KLK1: variants seen among roughly 807,000 people sequenced by gnomAD.
The protein encoded by KLK1 is kallikrein 1.
A neutral mutation model predicts 23.3 loss-of-function variants in KLK1; 22 were observed. The observed-to-expected ratio is 0.95, with a 90% confidence interval of 0.68 to 1.35. KLK1 has a LOEUF of 1.35. Ranked by LOEUF, KLK1 falls within the 40% of genes most tolerant of loss-of-function variation. The pLI is 0.00. For missense variants in KLK1, 301 were observed against 338.9 expected, an observed-to-expected ratio of 0.89 and a Z score of 0.88; for synonymous variants, 140 against 135.8, an observed-to-expected ratio of 1.03 and a Z score of -0.21.
Position 50,823,695 on chromosome 19 carries a change from T to A in KLK1, c.46+8A>T. 6.4e-7 allele frequency: 1 copy of A among 1,568,692 alleles called. No homozygotes were observed. The highest frequency in any genetic ancestry group is 8.8e-7 in the Non-Finnish European group (1 of 1,141,718). ...CGTTCCCCCTCCCACATCCCCCCAC[T>A]GTCTCACCAGTCCCCCCCAGGGACA... is the stretch of plus-strand genomic sequence containing the variant. On this transcript the variant is annotated splice_region_variant and intron_variant, in intron 1 of 4. Transcript: ENST00000301420.
rs778661033 is a variant in KLK1, at chr19:50,821,920, C to A, written c.47-49G>T. ...GAAGGGCAGGGTTGGCAGGAGAGGC[C>A]AGGGACAAGGCTAGGAGAGGGAGCT... is the stretch of plus-strand genomic sequence containing the variant. On this transcript the variant is annotated intron_variant, in intron 1 of 4. Coordinates refer to ENST00000301420, the MANE Select transcript of KLK1 (RefSeq NM_002257.4). This position sits in a 1 kb window ranked among gnomAD's most constrained non-coding sequence, Gnocchi z 5.6. 6.4e-7 allele frequency: 1 copy of A among 1,570,958 alleles called. No homozygotes were observed. The highest frequency in any genetic ancestry group is 8.6e-7 in the Non-Finnish European group (1 of 1,156,138).
In KLK1 at chr19:50,820,212, T is replaced by C. The variant is rs1273099349; in HGVS notation, c.438A>G (p.Glu146=). 1.2e-6 allele frequency: 2 copies of C among 1,612,036 alleles called. No individual in the cohort carries two copies. The highest frequency in any genetic ancestry group is 2.2e-5 in the South Asian group (2 of 91,002). ...AVKVVELPTE[E]PEVGSTCLAS... ...CCAAACAGGTGCTCCCCACTTCGGG[T>C]TCCTCGGTGGGCAACTCCACGACCT... is the stretch of plus-strand genomic sequence containing the variant. Residue 146 remains glutamate, a synonymous_variant, in exon 3 of 5, where the codon GAA becomes GAG. Transcript: ENST00000301420.
rs1396827383 is a variant in KLK1, at chr19:50,819,338, C to G, written c.645G>C (p.Gly215=). Residue 215 remains glycine, a synonymous_variant, in exon 5 of 5, where the codon GGG becomes GGC. Transcript: ENST00000301420. ...GCACACCATCACACATCAGCGGGCC[C>G]CCTGAATCACCCTGGGAGCACAAGG... is the stretch of plus-strand genomic sequence containing the variant. ...GGKDTCVGDS[G]GPLMCDGVLQ... is the part of the protein sequence containing the mutation. The G allele has an allele frequency of 1.9e-6, 3 of 1,609,838 alleles. No homozygotes were observed. Among genetic ancestry groups the G allele is most frequent in the Admixed American group, 1.7e-5 (1 of 59,820 alleles).
rs1005198369 is a variant in KLK1 at position 50,821,048 on chromosome 19, T to A, written c.207-605A>T. 2.0e-5 allele frequency among the ~76,000 whole-genome samples: 3 copies of A among 152,126 alleles called. No homozygotes were observed. The highest frequency in any genetic ancestry group is 7.2e-5 in the African/African-American group (3 of 41,428). ...GCGGGCTCCCCAGGGGCAGGTGGCC[T>A]GGCCTGAAGTCCAAGGTCGAGGCCC... is the stretch of plus-strand genomic sequence containing the variant. On this transcript the variant is annotated intron_variant, in intron 2 of 4. Coordinates refer to ENST00000301420, the MANE Select transcript of KLK1 (RefSeq NM_002257.4). This position sits in a 1 kb window ranked among gnomAD's most constrained non-coding sequence, Gnocchi z 5.6.
rs764145942 is a variant in KLK1, at chr19:50,820,152, A to T, written c.496+2T>A. ...TGGGCTACACAGTCTGCCCCCACATACAATTCTCTGGTTCGATGCTGCCCC... is the reference window on the plus strand; with the variant it reads ...TGGGCTACACAGTCTGCCCCCACATTCAATTCTCTGGTTCGATGCTGCCCC... On this transcript the variant is annotated splice_donor_variant, in intron 3 of 4. Transcript: ENST00000301420. LOFTEE classifies it high-confidence loss of function. The T allele has an allele frequency of 1.9e-6, 3 of 1,599,208 alleles. No homozygotes were observed. Among genetic ancestry groups the T allele is most frequent in the Non-Finnish European group, 2.6e-6 (3 of 1,170,550 alleles).
chr19:50,822,795 AGTG>A (rs1458740463), intron 1 of KLK1: 2 of 983,256 alleles, frequency 2.0e-6, no homozygotes, highest in South Asian at 4.7e-5. Context: ...GGATTGGAGA[AGTG>A]GTGAGAACAG....
At chr19:50,820,496 TG>T in intron 2 of KLK1, 53 bp from the exon 3 acceptor site, 1 of 207,678 alleles carries the variant, frequency 4.8e-6, no homozygotes, top group Non-Finnish European at 8.9e-6. Context: ...GAAAAGGGGA[TG>T]GGGCAGGGGA....
In KLK1 at chr19:50,819,320, A is replaced by T. The variant is rs890953551; in HGVS notation, c.663T>A (p.Asp221Glu). 2 of 1,613,274 alleles carry T rather than the reference A, an allele frequency of 1.2e-6. No homozygotes were observed. Among genetic ancestry groups the T allele is most frequent in the African/African-American group, 1.3e-5 (1 of 74,916 alleles). Residue 221 changes from aspartate (D) to glutamate (E), a missense_variant, in exon 5 of 5, where the codon GAT becomes GAA. By Grantham distance (45) the Asp-to-Glu change is conservative (BLOSUM62 2). Transcript: ENST00000301420. ...VGDSGGPLMCDGVLQGVTSWG... is the reference protein window; with the variant it reads ...VGDSGGPLMCEGVLQGVTSWG... Reference sequence around the variant, plus strand: ...ATGATGTGACACCTTGGAGCACACCATCACACATCAGCGGGCCCCCTGAAT... The same window carrying T: ...ATGATGTGACACCTTGGAGCACACCTTCACACATCAGCGGGCCCCCTGAAT...
At chr19:50,820,549 A>C in intron 2 of KLK1, 106 bp from the exon 3 acceptor site, 1 of 806,908 alleles carries the variant, frequency 1.2e-6, no homozygotes, top group Non-Finnish European at 2.0e-6. Context: ...GAAAGAGAAA[A>C]ATGTGGGTGG....
Position 50,820,500 on chromosome 19 carries a change from G to T in KLK1, c.207-57C>A. On this transcript the variant is annotated intron_variant, in intron 2 of 4. Coordinates refer to ENST00000301420, the MANE Select transcript of KLK1 (RefSeq NM_002257.4). ...GACGGGAAGGGGAAAAGGGGATGGGGCAGGGGAGCATGGGGGAGGGTCCCC... is the reference window on the plus strand; with the variant it reads ...GACGGGAAGGGGAAAAGGGGATGGGTCAGGGGAGCATGGGGGAGGGTCCCC... 3.2e-6 allele frequency: 3 copies of T among 943,840 alleles called. 1 individual carries two copies. The highest frequency in any genetic ancestry group is 1.6e-5 in the South Asian group (1 of 61,358). 58.5% of individuals were successfully genotyped at this position (943,840 alleles called of 1,614,324 possible).
At chr19:50,820,674 A>T (rs1399398494) in intron 2 of KLK1, 3 of 441,310 alleles carry the variant, frequency 6.8e-6, no homozygotes, top group African/African-American at 2.0e-5. Flanking sequence ...AAAGAGCTCA[A>T]AAGGACAGAG....
At chr19:50,819,877 C>A (rs748891013) in intron 4 of KLK1, 22 bp downstream of exon 4, 1 of 1,612,308 alleles carries the variant, frequency 6.2e-7, no homozygotes, top group South Asian at 1.1e-5. Flanking sequence ...CCTTCCAGAC[C>A]CTGGGGGCAG....
At position 50,821,766 on chromosome 19, in the gene KLK1, C is replaced by G; in HGVS notation, c.152G>C (p.Gly51Ala). 1 of 1,613,976 alleles carries G rather than the reference C, an allele frequency of 6.2e-7. No individual in the cohort carries two copies. The highest frequency in any genetic ancestry group is 8.5e-7 in the Non-Finnish European group (1 of 1,179,974). ...CCACTGGCGGTGCACCAGGATGCCC[C>G]CACACTGGAAAGTGCTGAAATGGTA... ...ALYHFSTFQC[G>A]GILVHRQWVL... Residue 51 changes from glycine (G) to alanine (A), a missense_variant, in exon 2 of 5, where the codon GGG becomes GCG. By Grantham distance (60) the Gly-to-Ala change is moderately conservative. Coordinates refer to ENST00000301420, the MANE Select transcript of KLK1 (RefSeq NM_002257.4). The surrounding 1 kb of genome is among the most constrained non-coding windows in gnomAD (Gnocchi z 5.6).
chr19:50,820,477 C>A (rs2740505), intron 2 of KLK1, 34 bp from the exon 3 acceptor site: 17 of 659,470 alleles, frequency 2.6e-5, no homozygotes, highest in Non-Finnish European at 3.7e-5. Flanking sequence ...GATGAGAAGA[C>A]GGGAAGGGGA....
rs2089826176 is a variant in KLK1 at position 50,821,149 on chromosome 19, G to A, written c.206+563C>T. Among the ~76,000 whole-genome samples the A allele has an allele frequency of 2.0e-5, 3 of 152,192 alleles. No individual in the cohort carries two copies. Among genetic ancestry groups the A allele is most frequent in the Admixed American group, 2.0e-4 (3 of 15,282 alleles). ...CCTCCTCCCTCAGTTGCCCCACCCA[G>A]CTCCCGCTGAAACCAGCCCTTCCCT... is the stretch of plus-strand genomic sequence containing the variant. On this transcript the variant is annotated intron_variant, in intron 2 of 4. Transcript: ENST00000301420. The surrounding 1 kb of genome is among the most constrained non-coding windows in gnomAD (Gnocchi z 5.6).
intron 1 of KLK1, 35 bp downstream of exon 1, chr19:50,823,668 C>A (rs754112593): frequency 7.0e-7 from 1 of 1,436,740 alleles, no homozygotes; most frequent in Non-Finnish European, 9.7e-7. Context: ...AGAATCAGGG[C>A]CCGTTCCCCC....
At position 50,821,005 on chromosome 19, in the gene KLK1, T is replaced by G. The variant is rs1197216272; in HGVS notation, c.207-562A>C. 6.6e-6 allele frequency among the ~76,000 whole-genome samples: 1 copy of G among 151,974 alleles called. No individual in the cohort carries two copies. Among genetic ancestry groups the G allele is most frequent in the African/African-American group, 2.4e-5 (1 of 41,378 alleles). On this transcript the variant is annotated intron_variant, in intron 2 of 4. Transcript: ENST00000301420. This position sits in a 1 kb window ranked among gnomAD's most constrained non-coding sequence, Gnocchi z 5.6. Reference sequence around the variant, plus strand: ...AGGGGAGGCCTGAGAGCGGCTCAGCTGCAGCTGGGGCTGTGGTGCGGGCTC... The same window carrying G: ...AGGGGAGGCCTGAGAGCGGCTCAGCGGCAGCTGGGGCTGTGGTGCGGGCTC...
rs569201306 is a variant in KLK1, at chr19:50,821,611, C to T, written c.206+101G>A. ...GCCAGAGCCTTCCTCTCTGCCTCAG[C>T]CCCCCAGTCTTGCCTGAGGTTATCC... On this transcript the variant is annotated intron_variant, in intron 2 of 4. Coordinates refer to ENST00000301420, the MANE Select transcript of KLK1 (RefSeq NM_002257.4). This position sits in a 1 kb window ranked among gnomAD's most constrained non-coding sequence, Gnocchi z 5.6. 4 of 1,404,304 alleles carry T rather than the reference C, an allele frequency of 2.8e-6. No individual in the cohort carries two copies. The highest frequency in any genetic ancestry group is 3.1e-5 in the South Asian group (2 of 65,202). The allele number at this position is 1,404,304 out of a possible 1,614,324, so 87.0% of individuals were successfully genotyped here.
At position 50,821,755 on chromosome 19, in the gene KLK1, C is replaced by T. The variant is rs117845844; in HGVS notation, c.163G>A (p.Val55Met). 382 of 1,613,874 alleles carry T rather than the reference C, an allele frequency of 2.4e-4. No homozygotes were observed. Among genetic ancestry groups the T allele is most frequent in the Non-Finnish European group, 3.2e-4 (377 of 1,179,944 alleles). Residue 55 changes from valine (V) to methionine (M), a missense_variant, in exon 2 of 5, where the codon GTG becomes ATG. Physicochemically the swap from Val to Met is conservative, Grantham distance 21. Transcript: ENST00000301420. This position sits in a 1 kb window ranked among gnomAD's most constrained non-coding sequence, Gnocchi z 5.6. Reference sequence around the variant, plus strand: ...GCTGTGAGCACCCACTGGCGGTGCACCAGGATGCCCCCACACTGGAAAGTG... The same window carrying T: ...GCTGTGAGCACCCACTGGCGGTGCATCAGGATGCCCCCACACTGGAAAGTG... ...FSTFQCGGIL[V>M]HRQWVLTAAH...
Sources: allele counts gnomAD v4.1 joint callset (sites outside exome capture counted in the v4.1 genomes callset), GRCh38; gene constraint gnomAD v4.1.1; non-coding constraint Gnocchi (gnomAD v3.1); transcripts MANE v1.5; gene names NCBI Gene and HGNC (gene_info 2026-07-23, HGNC 2026-07-21).